The following ZNRF3 variants were observed in gnomAD, a reference collection of about 807,000 sequenced individuals.
The protein encoded by ZNRF3 is zinc and ring finger 3.
Under a neutral mutation model 72.5 loss-of-function variants are expected in ZNRF3, and 23 were observed. The ratio of observed to expected loss-of-function variants is 0.32; its 90% CI spans 0.23 to 0.45. The LOEUF (loss-of-function observed/expected upper bound fraction) is 0.45, where lower values mean the gene tolerates loss of function less well. Ranked by LOEUF, ZNRF3 falls within the 20% of genes least tolerant of loss-of-function variation. The pLI, the probability that ZNRF3 is intolerant of heterozygous loss-of-function variation, is 1.00. For missense variants in ZNRF3, 1,169 were observed against 1,272.1 expected, an observed-to-expected ratio of 0.92 and a Z score of 1.23; for synonymous variants, 610 against 545.3, an observed-to-expected ratio of 1.12 and a Z score of -1.65.
intron 2 of ZNRF3, among the ~76,000 whole-genome samples, chr22:29,007,112 G>A (rs1248643501): frequency 6.6e-6 from 1 of 152,148 alleles, no homozygotes; most frequent in African/African-American, 2.4e-5. Context: ...CAGGGAGGAG[G>A]GGACAGAACG....
chr22:29,011,515 G>A (rs896291773), intron 2 of ZNRF3, among the ~76,000 whole-genome samples: 2 of 152,208 alleles, frequency 1.3e-5, no homozygotes, highest in African/African-American at 2.4e-5. Context: ...TGCTAGCTCC[G>A]AAACCTATAA....
At chr22:28,958,995 C>T (rs1046517975) in intron 1 of ZNRF3, among the ~76,000 whole-genome samples, 7 of 152,230 alleles carry the variant, frequency 4.6e-5, no homozygotes, top group African/African-American at 7.2e-5. Context: ...GAAATTTCTC[C>T]TGATCACAAG....
intron 2 of ZNRF3, among the ~76,000 whole-genome samples, chr22:28,999,712 A>G (rs2036111168): frequency 6.6e-6 from 1 of 152,250 alleles, no homozygotes; most frequent in African/African-American, 2.4e-5. Flanking sequence ...TGGGGCTACC[A>G]TGACAGTGAC....
intron 1 of ZNRF3, among the ~76,000 whole-genome samples, chr22:28,892,438 G>A (rs1274982851): frequency 1.3e-5 from 2 of 152,188 alleles, no homozygotes; most frequent in African/African-American, 2.4e-5. Context: ...TGAGCATTCT[G>A]GCCTTTTCCA....
At chr22:28,976,410 T>C (rs1032622359) in intron 1 of ZNRF3, among the ~76,000 whole-genome samples, 3 of 152,140 alleles carry the variant, frequency 2.0e-5, no homozygotes, top group African/African-American at 7.2e-5. Context: ...TAATCCCAAC[T>C]ACCTGGGGGA....
chr22:28,991,320 G>A (rs546055864), intron 2 of ZNRF3, among the ~76,000 whole-genome samples: 18 of 145,432 alleles, frequency 1.2e-4, no homozygotes, highest in Admixed American at 4.8e-4. Flanking sequence ...AAGAAGAACA[G>A]TATGGTCAAT....
intron 2 of ZNRF3, among the ~76,000 whole-genome samples, chr22:29,001,841 A>G (rs965297548): frequency 6.6e-6 from 1 of 152,120 alleles, no homozygotes; most frequent in African/African-American, 2.4e-5. Context: ...TTTGTGTCAT[A>G]TCTAAGAAAC....
At chr22:29,039,298 C>G (rs1167514220) in intron 2 of ZNRF3, among the ~76,000 whole-genome samples, 1 of 152,158 alleles carries the variant, frequency 6.6e-6, no homozygotes, top group African/African-American at 2.4e-5. Context: ...GAAGGCATTC[C>G]CTACCCCAGA....
intron 1 of ZNRF3, among the ~76,000 whole-genome samples, chr22:28,901,291 CCTCCTAGAGTTGTG>C (rs1450997577): frequency 2.0e-5 from 3 of 152,104 alleles, no homozygotes; most frequent in Non-Finnish European, 1.5e-5. Context: ...GTGAACGGCA[CCTCCTAGAGTTGTG>C]CGGTGCATAA....
intron 1 of ZNRF3, among the ~76,000 whole-genome samples, chr22:28,964,016 C>T (rs1254985451): frequency 6.6e-6 from 1 of 152,198 alleles, no homozygotes; most frequent in East Asian, 1.9e-4. Flanking sequence ...ACCAACCCAC[C>T]TACATTCTAG....
intron 2 of ZNRF3, among the ~76,000 whole-genome samples, chr22:29,039,104 A>C (rs192922750): frequency 9.7e-4 from 147 of 152,172 alleles, no homozygotes; most frequent in South Asian, 6.4e-3. Flanking sequence ...CACTGTAAAA[A>C]CCAGGAAACA....
chr22:28,886,363 A>G (rs2123740075), intron 1 of ZNRF3, among the ~76,000 whole-genome samples: 1 of 152,364 alleles, frequency 6.6e-6, no homozygotes, highest in Non-Finnish European at 1.5e-5. Flanking sequence ...AGCAGAAGGA[A>G]TAAATTGCTG....
At chr22:28,886,098 A>G (rs1176297485) in intron 1 of ZNRF3, among the ~76,000 whole-genome samples, 1 of 152,210 alleles carries the variant, frequency 6.6e-6, no homozygotes, top group Non-Finnish European at 1.5e-5. Context: ...TGCACCTCGT[A>G]TCTTTAGTAA....
At chr22:29,014,952 C>A (rs2123855322) in intron 2 of ZNRF3, among the ~76,000 whole-genome samples, 1 of 152,354 alleles carries the variant, frequency 6.6e-6, no homozygotes, top group African/African-American at 2.4e-5. Flanking sequence ...TCAGAGCTTG[C>A]CTGCCTCCGC....
chr22:29,035,962 C>T (rs1009100918), intron 2 of ZNRF3, among the ~76,000 whole-genome samples: 2 of 152,132 alleles, frequency 1.3e-5, no homozygotes, highest in Non-Finnish European at 2.9e-5. Context: ...CCTCCTCAGC[C>T]TCCCAAGTAG....
In ZNRF3 at chr22:29,048,631, A is replaced by G; in HGVS notation, c.1015+140A>G. 1 of 782,442 alleles carries G rather than the reference A, an allele frequency of 1.3e-6. No homozygotes were observed. Among genetic ancestry groups the G allele is most frequent in the Non-Finnish European group, 2.1e-6 (1 of 473,858 alleles). The allele number at this position is 782,442 out of a possible 1,614,324, so 48.5% of individuals were successfully genotyped here. A position where few individuals can be genotyped will look rare whatever the true frequency, so the allele number is the denominator to read the frequency against. Reference sequence around the variant, plus strand: ...GAGGCCTGGCAGCCCTGGGTTTTGGAGGTTGTCTGCACGACCCTTAGGAGA... The same window carrying G: ...GAGGCCTGGCAGCCCTGGGTTTTGGGGGTTGTCTGCACGACCCTTAGGAGA... On this transcript the variant is annotated intron_variant, in intron 7 of 8. Transcript: ENST00000544604. The surrounding 1 kb of genome is among the most constrained non-coding windows in gnomAD (Gnocchi z 4.9).
chr22:28,967,545 G>T (rs1363528440), intron 1 of ZNRF3, among the ~76,000 whole-genome samples: 1 of 152,214 alleles, frequency 6.6e-6, no homozygotes, highest in African/African-American at 2.4e-5. Flanking sequence ...CAGATCATCT[G>T]TCTTCTCTGT....
intron 1 of ZNRF3, among the ~76,000 whole-genome samples, chr22:28,928,883 T>C (rs924355410): frequency 3.3e-4 from 51 of 152,326 alleles, no homozygotes; most frequent in African/African-American, 1.2e-3. Context: ...ATATTTATAC[T>C]GAATAGATGC....
In ZNRF3 at chr22:29,048,574, C is replaced by G; in HGVS notation, c.1015+83C>G. 4 of 1,413,576 alleles carry G rather than the reference C, an allele frequency of 2.8e-6. No homozygotes were observed. The highest frequency in any genetic ancestry group is 4.0e-6 in the Non-Finnish European group (4 of 1,007,734). The allele number at this position is 1,413,576 out of a possible 1,614,324, so 87.6% of individuals were successfully genotyped here. ...CACACACCGCAGGCTTGGGAACACT[C>G]AGAACCACCGTGGCACTGCCCTCTG... On this transcript the variant is annotated intron_variant, in intron 7 of 8. Coordinates refer to ENST00000544604, the MANE Select transcript of ZNRF3 (RefSeq NM_001206998.2). This position sits in a 1 kb window ranked among gnomAD's most constrained non-coding sequence, Gnocchi z 4.9.
Sources: gnomAD v4.1 joint callset for allele counts (sites outside exome capture counted in the v4.1 genomes callset) on GRCh38, gnomAD v4.1.1 for gene constraint, Gnocchi (gnomAD v3.1) non-coding constraint, MANE v1.5 for transcripts, NCBI Gene and HGNC (gene_info 2026-07-23, HGNC 2026-07-21) for gene names.